The following TLE4 variants were observed in gnomAD, a reference collection of about 807,000 sequenced individuals.
The protein encoded by TLE4 is transducin-like enhancer protein 4.
A neutral mutation model predicts 92.8 loss-of-function variants in TLE4; 8 were observed. The ratio of observed to expected loss-of-function variants is 0.09; its 90% CI spans 0.05 to 0.16. TLE4 has a LOEUF of 0.16. TLE4 is among the 10% of genes least tolerant of loss of function. TLE4 has a pLI of 1.00. For missense variants in TLE4, 675 were observed against 997.6 expected, an observed-to-expected ratio of 0.68 and a Z score of 4.36; for synonymous variants, 371 against 374.1, an observed-to-expected ratio of 0.99 and a Z score of 0.10.
intron 8 of TLE4, among the ~76,000 whole-genome samples, chr9:79,667,967 C>A (rs1226876033): frequency 9.9e-5 from 15 of 152,220 alleles, no homozygotes; most frequent in Non-Finnish European, 1.9e-4. Context: ...ATTTGAAGAG[C>A]CCTATTTAGT....
intron 5 of TLE4, among the ~76,000 whole-genome samples, chr9:79,617,951 G>A (rs1416489601): frequency 6.6e-6 from 1 of 152,150 alleles, no homozygotes; most frequent in Non-Finnish European, 1.5e-5. Flanking sequence ...TTATATCGAC[G>A]TTCATCATCC....
At chr9:79,701,548 T>C (rs1039224424) in intron 8 of TLE4, among the ~76,000 whole-genome samples, 4 of 152,216 alleles carry the variant, frequency 2.6e-5, no homozygotes, top group African/African-American at 4.8e-5. Context: ...ATAAAAGATA[T>C]ATATACTCCA....
At chr9:79,660,279 A>G (rs1307370189) in intron 8 of TLE4, among the ~76,000 whole-genome samples, 1 of 152,226 alleles carries the variant, frequency 6.6e-6, no homozygotes, top group Non-Finnish European at 1.5e-5. Flanking sequence ...TTTGGAATGT[A>G]GCTATTTTCT....
At chr9:79,657,288 G>A (rs1370299975) in intron 8 of TLE4, among the ~76,000 whole-genome samples, 1 of 152,178 alleles carries the variant, frequency 6.6e-6, no homozygotes, top group East Asian at 1.9e-4. Flanking sequence ...TAATGGTAGG[G>A]CAGAAAGCCC....
intron 8 of TLE4, among the ~76,000 whole-genome samples, chr9:79,668,530 C>T (rs577069205): frequency 1.4e-4 from 22 of 152,138 alleles, no homozygotes; most frequent in Non-Finnish European, 2.6e-4. Flanking sequence ...AGGAGGTCAC[C>T]GTATCTTGTA....
intron 8 of TLE4, among the ~76,000 whole-genome samples, chr9:79,699,708 G>A (rs576349260): frequency 6.6e-6 from 1 of 152,274 alleles, no homozygotes; most frequent in East Asian, 1.9e-4. Flanking sequence ...GGTTGTTATC[G>A]TCTATGGGCA....
intron 1 of TLE4, chr9:79,573,270 G>A (rs1246747699): frequency 2.0e-5 from 20 of 1,022,210 alleles, no homozygotes; most frequent in Admixed American, 5.9e-5. Flanking sequence ...GCGGGCGAAC[G>A]AACGAGCCGA....
chr9:79,687,152 A>G (rs548820410), intron 8 of TLE4, among the ~76,000 whole-genome samples: 1 of 152,186 alleles, frequency 6.6e-6, no homozygotes, highest in Admixed American at 6.5e-5. Context: ...TGTAGCCTAC[A>G]TTCTTCTTCT....
intron 8 of TLE4, among the ~76,000 whole-genome samples, chr9:79,700,128 G>T (rs1371934647): frequency 1.3e-5 from 2 of 152,160 alleles, no homozygotes; most frequent in African/African-American, 2.4e-5. Flanking sequence ...ACTTTATGTG[G>T]ATTATTTTTC....
intron 8 of TLE4, among the ~76,000 whole-genome samples, chr9:79,655,194 G>A (rs548507526): frequency 1.6e-3 from 244 of 152,248 alleles, no homozygotes; most frequent in African/African-American, 5.7e-3. Context: ...ATTGTATTAT[G>A]CGTAATTGTA....
chr9:79,585,430 C>T (rs2040809192), intron 4 of TLE4, among the ~76,000 whole-genome samples: 1 of 152,194 alleles, frequency 6.6e-6, no homozygotes, highest in South Asian at 2.1e-4. Flanking sequence ...CCACCATCAG[C>T]ATACTTACTA....
At chr9:79,607,063 CACTCTA>C (rs1442927073) in intron 4 of TLE4, among the ~76,000 whole-genome samples, 5 of 152,172 alleles carry the variant, frequency 3.3e-5, no homozygotes, top group Non-Finnish European at 7.3e-5. Context: ...TAATGATCCC[CACTCTA>C]ACTGGTGTGA....
chr9:79,654,341 G>GA lies in TLE4; in HGVS notation c.609+275dup, dbSNP rs932588563. On this transcript the variant is annotated intron_variant, in intron 8 of 19. Coordinates refer to ENST00000376552, the MANE Select transcript of TLE4 (RefSeq NM_007005.6). ...TTGCTCATTTTATTATTTGCCATGT[G>GA]AAAAAAAAATAACTGCTTTTCTTCA... Among the ~76,000 whole-genome samples the GA allele has an allele frequency of 1.0e-4, 15 of 145,740 alleles. No homozygotes were observed. The East Asian group carries it at 2.4e-3, about 23-fold the overall frequency.
chr9:79,643,661 A>G (rs35193373), intron 6 of TLE4, among the ~76,000 whole-genome samples: 2 of 152,126 alleles, frequency 1.3e-5, no homozygotes, highest in Non-Finnish European at 2.9e-5. Flanking sequence ...AAGTGTTTTT[A>G]GTAGGAATAC....
chr9:79,681,118 G>T (rs1173712665), intron 8 of TLE4, among the ~76,000 whole-genome samples: 1 of 152,060 alleles, frequency 6.6e-6, no homozygotes, highest in Non-Finnish European at 1.5e-5. Flanking sequence ...ACTAGCTGCA[G>T]GACCTCAGAC....
intron 6 of TLE4, among the ~76,000 whole-genome samples, chr9:79,647,093 G>A (rs1447653933): frequency 2.0e-5 from 3 of 152,118 alleles, no homozygotes; most frequent in Non-Finnish European, 4.4e-5. Context: ...TTTGGATTCT[G>A]GGACAGAAAA....
chr9:79,705,989 A>C (rs767670504), intron 10 of TLE4, 47 bp downstream of exon 10: 1 of 1,550,568 alleles, frequency 6.4e-7, no homozygotes, highest in South Asian at 1.1e-5. Flanking sequence ...CAGCCATATC[A>C]AAGACTAGTT....
At chr9:79,633,183 T>A (rs1238572531) in intron 6 of TLE4, among the ~76,000 whole-genome samples, 9 of 152,064 alleles carry the variant, frequency 5.9e-5, no homozygotes, top group Admixed American at 3.3e-4. Flanking sequence ...TAACAAAGAC[T>A]CTCATATATT....
At chr9:79,697,829 A>C (rs1432205037) in intron 8 of TLE4, among the ~76,000 whole-genome samples, 1 of 152,196 alleles carries the variant, frequency 6.6e-6, no homozygotes, top group Non-Finnish European at 1.5e-5. Flanking sequence ...ATGAAGAAAA[A>C]AATATGTAAT....
Sources: allele counts gnomAD v4.1 joint callset (sites outside exome capture counted in the v4.1 genomes callset), GRCh38; gene constraint gnomAD v4.1.1; transcripts MANE v1.5; gene names NCBI Gene and HGNC (gene_info 2026-07-23, HGNC 2026-07-21).